The following CSMD1 variants were observed in gnomAD, a reference collection of about 807,000 sequenced individuals.
CSMD1 encodes the protein CUB and sushi domain-containing protein 1.
Under a neutral mutation model 417.5 loss-of-function variants are expected in CSMD1, and 213 were observed. The ratio of observed to expected loss-of-function variants is 0.51; its 90% CI spans 0.46 to 0.57. The LOEUF is 0.57. Ranked by LOEUF, CSMD1 falls within the 20% of genes least tolerant of loss-of-function variation. CSMD1 has a pLI of 0.00. For missense variants in CSMD1, 6,923 were observed against 4,529.7 expected (o/e 1.53, Z -15.17); for synonymous variants, 2,862 against 1,736.8 (o/e 1.65, Z -16.11).
intron 7 of CSMD1, among the ~76,000 whole-genome samples, chr8:3,642,362 C>T (rs996848054): frequency 2.6e-5 from 4 of 152,104 alleles, no homozygotes; most frequent in African/African-American, 9.7e-5. Context: ...GAAGAAATCA[C>T]CGCAAAGAAT....
chr8:3,311,139 A>G (rs1289136447), intron 23 of CSMD1, among the ~76,000 whole-genome samples: 1 of 152,180 alleles, frequency 6.6e-6, no homozygotes, highest in African/African-American at 2.4e-5. Context: ...CTTACCATAA[A>G]TATGCTTAGG....
chr8:3,708,945 G>A (rs6994494), intron 6 of CSMD1, among the ~76,000 whole-genome samples: 135,525 of 152,138 alleles, frequency 0.89, 60,833 homozygotes, highest in East Asian at 0.99. Flanking sequence ...TTTACTCACA[G>A]TTTAGCGAAT....
At chr8:4,162,176 C>T (rs13250579) in intron 3 of CSMD1, among the ~76,000 whole-genome samples, 10 of 151,878 alleles carry the variant, frequency 6.6e-5, no homozygotes, top group Non-Finnish European at 1.0e-4. Context: ...GCCTGCTTTG[C>T]GCAACTTTTC....
chr8:3,330,028 C>G (rs1386107413), intron 23 of CSMD1, among the ~76,000 whole-genome samples: 3 of 152,134 alleles, frequency 2.0e-5, no homozygotes, highest in African/African-American at 7.2e-5. Flanking sequence ...GAGGAATGGA[C>G]TGTATAAGAA....
At chr8:2,984,273 C>T (rs754652034) in intron 54 of CSMD1, among the ~76,000 whole-genome samples, 8 of 152,190 alleles carry the variant, frequency 5.3e-5, no homozygotes, top group African/African-American at 1.2e-4. Context: ...GCCGAGCAAA[C>T]GCACAGGAGG....
chr8:3,286,875 G>A (rs1372804371), intron 25 of CSMD1, among the ~76,000 whole-genome samples: 10 of 152,130 alleles, frequency 6.6e-5, no homozygotes, highest in Non-Finnish European at 1.5e-4. Context: ...TGCTTTTGGT[G>A]TTTTAGACAT....
intron 4 of CSMD1, among the ~76,000 whole-genome samples, chr8:4,026,696 T>A (rs916933627): frequency 6.6e-6 from 1 of 152,166 alleles, no homozygotes; most frequent in African/African-American, 2.4e-5. Context: ...ATCAGACAAA[T>A]GCTATCTGAG....
intron 1 of CSMD1, among the ~76,000 whole-genome samples, chr8:4,856,067 C>T (rs560321147): frequency 4.6e-5 from 7 of 152,300 alleles, no homozygotes; most frequent in Non-Finnish European, 1.0e-4. Flanking sequence ...GCGGATCTCT[C>T]GACAGAAACC....
chr8:3,260,625 A>T (rs552359983), intron 26 of CSMD1, among the ~76,000 whole-genome samples: 126 of 151,942 alleles, frequency 8.3e-4, no homozygotes, highest in African/African-American at 2.8e-3. Flanking sequence ...TCCAGTGCTT[A>T]GGGAGAGAAA....
At chr8:4,205,194 A>G (rs769827881) in intron 3 of CSMD1, among the ~76,000 whole-genome samples, 28 of 152,238 alleles carry the variant, frequency 1.8e-4, no homozygotes, top group Non-Finnish European at 3.1e-4. Context: ...TGATTTAAAT[A>G]ATAGCATTGC....
chr8:4,431,837 G>C (rs1455025304), intron 2 of CSMD1, among the ~76,000 whole-genome samples: 1 of 151,968 alleles, frequency 6.6e-6, no homozygotes. Context: ...AAAGTACTAC[G>C]AAATGTGGGC....
At chr8:4,271,679 T>C (rs940006379) in intron 3 of CSMD1, among the ~76,000 whole-genome samples, 10 of 152,150 alleles carry the variant, frequency 6.6e-5, no homozygotes, top group African/African-American at 2.4e-4. Context: ...CTTTAAGGTA[T>C]ACATCACTAT....
intron 20 of CSMD1, among the ~76,000 whole-genome samples, chr8:3,365,467 T>G (rs1475108807): frequency 6.6e-6 from 1 of 152,232 alleles, no homozygotes; most frequent in African/African-American, 2.4e-5. Context: ...CTTATTACAG[T>G]TGACTCTTGA....
chr8:4,260,669 T>C (rs1208565428), intron 3 of CSMD1, among the ~76,000 whole-genome samples: 1 of 152,192 alleles, frequency 6.6e-6, no homozygotes, highest in East Asian at 1.9e-4. Flanking sequence ...TAATTTCAGT[T>C]TTTGCGAGAG....
intron 3 of CSMD1, among the ~76,000 whole-genome samples, chr8:4,188,797 T>G (rs920359269): frequency 2.2e-5 from 1 of 44,504 alleles, no homozygotes; most frequent in Non-Finnish European, 5.2e-5. Context: ...AACTCCAGGA[T>G]GAATATTATG....
chr8:3,680,915 T>C (rs182533023), intron 7 of CSMD1, among the ~76,000 whole-genome samples: 67 of 152,268 alleles, frequency 4.4e-4, no homozygotes, highest in Non-Finnish European at 7.6e-4. Flanking sequence ...ATCCAGCATA[T>C]AAACAGAACC....
At chr8:3,560,596 G>A (rs1210955785) in intron 10 of CSMD1, among the ~76,000 whole-genome samples, 2 of 152,110 alleles carry the variant, frequency 1.3e-5, no homozygotes, top group African/African-American at 2.4e-5. Context: ...AGAAGGAATG[G>A]AAAGGCTAGA....
chr8:4,263,218 G>C (rs1395178823), intron 3 of CSMD1, among the ~76,000 whole-genome samples: 1 of 152,008 alleles, frequency 6.6e-6, no homozygotes, highest in Non-Finnish European at 1.5e-5. Context: ...AGGGCTAAAG[G>C]CTAGGCTGTT....
intron 37 of CSMD1, among the ~76,000 whole-genome samples, chr8:3,166,437 G>T (rs939754981): frequency 6.6e-6 from 1 of 152,138 alleles, no homozygotes; most frequent in Non-Finnish European, 1.5e-5. Flanking sequence ...GGGAGGCTGA[G>T]GCAGGAGAAT....
Sources: gnomAD v4.1 joint callset for allele counts (sites outside exome capture counted in the v4.1 genomes callset) on GRCh38, gnomAD v4.1.1 for gene constraint, MANE v1.5 for transcripts, NCBI Gene and HGNC (gene_info 2026-07-23, HGNC 2026-07-21) for gene names.